The following PTPRM variants were observed in gnomAD, a reference collection of about 807,000 sequenced individuals.
PTPRM encodes protein tyrosine phosphatase receptor type M.
A neutral mutation model predicts 186.7 loss-of-function variants in PTPRM; 47 were observed. The observed-to-expected ratio is 0.25, with a 90% CI of 0.20 to 0.32. PTPRM has a LOEUF of 0.32. Among genes scored for constraint, PTPRM ranks in the 10% least tolerant of loss-of-function variants. The probability of loss-of-function intolerance (pLI) is 1.00; values close to 1 mark genes in which losing one functional copy is unlikely to be tolerated. For missense variants in PTPRM, 1,494 were observed against 1,865.0 expected (o/e 0.80, Z 3.66); for synonymous variants, 668 against 674.9 (o/e 0.99, Z 0.16).
intron 22 of PTPRM, among the ~76,000 whole-genome samples, chr18:8,326,971 C>T (rs1454728332): frequency 6.6e-6 from 1 of 152,176 alleles, no homozygotes; most frequent in African/African-American, 2.4e-5. Flanking sequence ...TGAAAATATA[C>T]TCAGACAAAG....
chr18:8,110,091 A>G (rs1212131573), intron 11 of PTPRM, among the ~76,000 whole-genome samples: 1 of 152,194 alleles, frequency 6.6e-6, no homozygotes, highest in East Asian at 1.9e-4. Context: ...AATGTGTAAT[A>G]TACCCCCAAA....
intron 1 of PTPRM, among the ~76,000 whole-genome samples, chr18:7,658,227 A>G (rs1052514026): frequency 2.6e-5 from 4 of 151,300 alleles, no homozygotes; most frequent in Non-Finnish European, 4.4e-5. Context: ...GGGTGACTCA[A>G]TTGTAGAAGC....
chr18:8,003,290 A>G (rs138822417), intron 7 of PTPRM, among the ~76,000 whole-genome samples: 321 of 152,330 alleles, frequency 2.1e-3, no homozygotes, highest in African/African-American at 7.5e-3. Context: ...CTACGGCGAC[A>G]TAAGACAAGA....
intron 23 of PTPRM, among the ~76,000 whole-genome samples, chr18:8,347,488 C>T (rs377287031): frequency 5.9e-5 from 9 of 152,196 alleles, no homozygotes; most frequent in African/African-American, 2.2e-4. Context: ...ACACTAAAGC[C>T]CACTGTGTCT....
intron 17 of PTPRM, 106 bp downstream of exon 17, chr18:8,248,282 T>G: frequency 9.1e-7 from 1 of 1,101,710 alleles, no homozygotes. Context: ...GCAGTGATTA[T>G]AAGCACGACA....
In PTPRM at chr18:7,578,404, T is replaced by C. The variant is rs1444773944; in HGVS notation, c.73+10513T>C. Reference sequence around the variant, plus strand: ...AGGCTGGAGTACAATGGCGTGATCTTGGCTCACTGCAAGCTCCACCTCCCA... The same window carrying C: ...AGGCTGGAGTACAATGGCGTGATCTCGGCTCACTGCAAGCTCCACCTCCCA... On this transcript the variant is annotated intron_variant, in intron 1 of 32. Coordinates refer to ENST00000580170, the MANE Select transcript of PTPRM (RefSeq NM_001105244.2). Among the ~76,000 whole-genome samples the C allele has an allele frequency of 4.6e-5, 7 of 150,794 alleles. No individual in the cohort carries two copies. The South Asian group carries it at 6.4e-4, about 14-fold the overall frequency.
At chr18:7,646,312 C>G (rs1322698023) in intron 1 of PTPRM, among the ~76,000 whole-genome samples, 1 of 152,104 alleles carries the variant, frequency 6.6e-6, no homozygotes, top group Non-Finnish European at 1.5e-5. Context: ...CACCTGTGTC[C>G]CCCAGGTCCA....
chr18:7,820,034 G>T (rs762928858), intron 2 of PTPRM, among the ~76,000 whole-genome samples: 3 of 152,216 alleles, frequency 2.0e-5, no homozygotes, highest in Non-Finnish European at 4.4e-5. Flanking sequence ...TGTGAAGTGC[G>T]TTGCTAATAA....
intron 14 of PTPRM, among the ~76,000 whole-genome samples, chr18:8,219,461 C>A (rs565826259): frequency 7.4e-4 from 83 of 112,522 alleles, no homozygotes; most frequent in African/African-American, 2.3e-3. Context: ...AGCAAGAGTC[C>A]ATCTCAAAAA....
intron 7 of PTPRM, 24 bp from the exon 8 acceptor site, chr18:8,069,662 T>G: frequency 6.4e-7 from 1 of 1,571,966 alleles, no homozygotes; most frequent in Non-Finnish European, 8.7e-7. Flanking sequence ...TCTCATGTTT[T>G]CTTTTGTCTT....
chr18:8,389,540 TGA>T (rs1159464123), intron 31 of PTPRM, among the ~76,000 whole-genome samples: 4,991 of 152,258 alleles, frequency 0.033, 252 homozygotes, highest in African/African-American at 0.11. Context: ...CATTTTCCAC[TGA>T]GAGAACCTTG....
chr18:7,617,444 C>T (rs1223227457), intron 1 of PTPRM, among the ~76,000 whole-genome samples: 6 of 152,132 alleles, frequency 3.9e-5, no homozygotes, highest in African/African-American at 1.4e-4. Flanking sequence ...CTCTGTTAAT[C>T]TGTAAGCTCT....
chr18:8,197,466 A>G (rs2093795078), intron 14 of PTPRM, among the ~76,000 whole-genome samples: 1 of 152,242 alleles, frequency 6.6e-6, no homozygotes, highest in South Asian at 2.1e-4. Context: ...GTAGAATTTC[A>G]TGAGTCACTA....
chr18:7,874,203 G>T (rs2048116989), intron 2 of PTPRM, among the ~76,000 whole-genome samples: 2 of 152,134 alleles, frequency 1.3e-5, no homozygotes, highest in Non-Finnish European at 2.9e-5. Flanking sequence ...TTGTCTAAAT[G>T]GGATAAGTTT....
chr18:8,146,368 T>C (rs2092885971), intron 14 of PTPRM, among the ~76,000 whole-genome samples: 1 of 152,202 alleles, frequency 6.6e-6, no homozygotes, highest in Non-Finnish European at 1.5e-5. Context: ...ATATGGTATC[T>C]CATTGTGGTT....
chr18:7,894,116 C>T (rs1002684859), intron 3 of PTPRM, among the ~76,000 whole-genome samples: 3 of 152,116 alleles, frequency 2.0e-5, no homozygotes, highest in South Asian at 2.1e-4. Context: ...GGCCAGCACA[C>T]GTGTACCGAG....
chr18:8,252,773 T>G (rs914318447), intron 18 of PTPRM, among the ~76,000 whole-genome samples: 3 of 152,226 alleles, frequency 2.0e-5, no homozygotes, highest in Non-Finnish European at 4.4e-5. Flanking sequence ...AGTCCCCATT[T>G]CCATTGCTAG....
intron 1 of PTPRM, among the ~76,000 whole-genome samples, chr18:7,595,209 C>T (rs773316988): frequency 6.6e-6 from 1 of 152,098 alleles, no homozygotes; most frequent in Non-Finnish European, 1.5e-5. Flanking sequence ...TTTCCATTTA[C>T]CTTGAAGCCA....
chr18:8,289,408 A>G (rs553540449), intron 19 of PTPRM, among the ~76,000 whole-genome samples: 57 of 139,934 alleles, frequency 4.1e-4, no homozygotes, highest in South Asian at 4.6e-4. Context: ...GTATATATAT[A>G]TATACACATA....
Sources: allele counts gnomAD v4.1 joint callset (sites outside exome capture counted in the v4.1 genomes callset), GRCh38; gene constraint gnomAD v4.1.1; transcripts MANE v1.5; gene names NCBI Gene and HGNC (gene_info 2026-07-23, HGNC 2026-07-21).